The following RAPGEF4 variants were observed in gnomAD, a reference collection of about 807,000 sequenced individuals.
RAPGEF4 encodes RAP guanine-nucleotide-exchange factor (GEF) 4.
In RAPGEF4, 66 loss-of-function variants were observed where a neutral mutation model predicts 147.9. That is an observed-to-expected ratio of 0.45 (90% confidence interval 0.37 to 0.55). RAPGEF4 has a LOEUF of 0.55. Ranked by LOEUF, RAPGEF4 falls within the 20% of genes least tolerant of loss-of-function variation. The pLI, the probability that RAPGEF4 is intolerant of heterozygous loss-of-function variation, is 0.00. For synonymous variants in RAPGEF4, 419 were observed against 442.7 expected (o/e 0.95, Z 0.67); for missense variants, 1,071 against 1,257.3 (o/e 0.85, Z 2.24).
At chr2:172,819,277 A>G (rs1420930261) in intron 4 of RAPGEF4, among the ~76,000 whole-genome samples, 3 of 152,192 alleles carry the variant, frequency 2.0e-5, no homozygotes, top group African/African-American at 7.2e-5. Flanking sequence ...GCCTCTCTCC[A>G]TTTACACCCC....
At chr2:173,022,155 G>C (rs1189313070) in intron 23 of RAPGEF4, among the ~76,000 whole-genome samples, 2 of 152,208 alleles carry the variant, frequency 1.3e-5, no homozygotes, top group Admixed American at 6.5e-5. Context: ...TTACTGCACG[G>C]GTGCTGGGGA....
chr2:172,977,469 T>G (rs1263575542), intron 10 of RAPGEF4, among the ~76,000 whole-genome samples: 3 of 152,032 alleles, frequency 2.0e-5, no homozygotes, highest in Non-Finnish European at 4.4e-5. Context: ...CTTTGTCTGA[T>G]GTGAGAGTAG....
chr2:173,011,168 G>GCGCGCGCA (rs1553548157), intron 17 of RAPGEF4, among the ~76,000 whole-genome samples: 1 of 59,816 alleles, frequency 1.7e-5, no homozygotes, highest in African/African-American at 7.0e-5. Context: ...CAGCGCGCGC[G>GCGCGCGCA]CGCACACACA....
At chr2:172,900,836 G>A (rs559152377) in intron 4 of RAPGEF4, among the ~76,000 whole-genome samples, 10 of 152,156 alleles carry the variant, frequency 6.6e-5, no homozygotes, top group Admixed American at 2.0e-4. Context: ...CTCAAACACC[G>A]TCCATAATGT....
In RAPGEF4 at chr2:173,014,575, C is replaced by A; in HGVS notation, c.1770C>A (p.Asp590Glu). ...LVLQWAAMYG[D>E]LLQEDDVSMA... is the part of the protein sequence containing the mutation. ...TACAGTGGGCTGCCATGTATGGAGA[C>A]CTCCTGCAAGAGGATGACGTGTCTA... Residue 590 changes from aspartate to glutamate, a missense_variant, in exon 18 of 31, where the codon GAC becomes GAA. Transcript: ENST00000397081. The A allele has an allele frequency of 6.2e-7, 1 of 1,614,034 alleles. No individual in the cohort carries two copies. Among genetic ancestry groups the A allele is most frequent in the Non-Finnish European group, 8.5e-7 (1 of 1,179,942 alleles).
chr2:172,757,514 G>A (rs565096249), intron 1 of RAPGEF4, among the ~76,000 whole-genome samples: 1 of 152,196 alleles, frequency 6.6e-6, no homozygotes, highest in African/African-American at 2.4e-5. Context: ...TTGCCCTTTA[G>A]GTTTCCATCC....
intron 6 of RAPGEF4, among the ~76,000 whole-genome samples, chr2:172,926,162 T>G (rs945382735): frequency 3.3e-5 from 5 of 152,172 alleles, no homozygotes; most frequent in African/African-American, 4.8e-5. Flanking sequence ...GGGTTGTGAT[T>G]GTTAAAGGAA....
intron 3 of RAPGEF4, among the ~76,000 whole-genome samples, chr2:172,804,563 G>C (rs574729727): frequency 1.3e-5 from 2 of 152,234 alleles, no homozygotes; most frequent in South Asian, 4.1e-4. Flanking sequence ...GCCTGGGAAC[G>C]GGGAGTACCT....
chr2:172,983,526 G>C lies in RAPGEF4; in HGVS notation c.1035G>C (p.Glu345Asp). Residue 345 changes from glutamate to aspartate, a missense_variant, in exon 11 of 31, where the codon GAG becomes GAC. Glu to Asp is a conservative substitution (Grantham distance 45). Coordinates refer to ENST00000397081, the MANE Select transcript of RAPGEF4 (RefSeq NM_007023.4). ...PPGQRTVDDL[E>D]IIYEELLHIK... Reference sequence around the variant, plus strand: ...GCCAGAGGACTGTGGATGACCTAGAGATTATCTATGAGGAGCTTCTTCATA... The same window carrying C: ...GCCAGAGGACTGTGGATGACCTAGACATTATCTATGAGGAGCTTCTTCATA... The C allele has an allele frequency of 6.2e-7, 1 of 1,612,566 alleles. No individual in the cohort carries two copies. Among genetic ancestry groups the C allele is most frequent in the Non-Finnish European group, 8.5e-7 (1 of 1,179,814 alleles).
chr2:172,911,034 G>A (rs903867537), intron 4 of RAPGEF4, among the ~76,000 whole-genome samples: 9 of 152,186 alleles, frequency 5.9e-5, no homozygotes, highest in Admixed American at 5.9e-4. Flanking sequence ...TCAGTCCACT[G>A]TCTGGCCACG....
intron 1 of RAPGEF4, among the ~76,000 whole-genome samples, chr2:172,777,839 T>G (rs955141930): frequency 6.6e-6 from 1 of 152,198 alleles, no homozygotes; most frequent in Non-Finnish European, 1.5e-5. Flanking sequence ...TACTGTGTAT[T>G]TATTGTCCAG....
chr2:172,886,728 A>C (rs1325204312), intron 4 of RAPGEF4, among the ~76,000 whole-genome samples: 3 of 148,982 alleles, frequency 2.0e-5, no homozygotes, highest in African/African-American at 7.4e-5. Flanking sequence ...TTTTTTTGGC[A>C]ATGCTCTTTC....
At chr2:172,898,051 G>A (rs1698702516) in intron 4 of RAPGEF4, among the ~76,000 whole-genome samples, 1 of 152,104 alleles carries the variant, frequency 6.6e-6, no homozygotes, top group Non-Finnish European at 1.5e-5. Flanking sequence ...AGCTGTGTGG[G>A]GACTCCGGGG....
At chr2:172,736,142 C>A in intron 1 of RAPGEF4, 94 bp downstream of exon 1, 1 of 1,039,524 alleles carries the variant, frequency 9.6e-7, no homozygotes, top group Non-Finnish European at 1.2e-6. Context: ...GCAGCGCGGC[C>A]GGGCTGCGGG....
chr2:172,925,303 A>T lies in RAPGEF4; in HGVS notation c.537+3003A>T, dbSNP rs532766229. ...CACCATGTTTAACTTTTAATAAAATATGCACACATCAACAAGTGCTGTTTG... is the reference window on the plus strand; with the variant it reads ...CACCATGTTTAACTTTTAATAAAATTTGCACACATCAACAAGTGCTGTTTG... On this transcript the variant is annotated intron_variant, in intron 6 of 30. Coordinates refer to ENST00000397081, the MANE Select transcript of RAPGEF4 (RefSeq NM_007023.4). 2.0e-5 allele frequency among the ~76,000 whole-genome samples: 3 copies of T among 152,338 alleles called. No individual in the cohort carries two copies. The East Asian group carries it at 5.8e-4, about 29-fold the overall frequency.
At chr2:172,985,201 G>C (rs1692115019) in intron 11 of RAPGEF4, among the ~76,000 whole-genome samples, 1 of 152,196 alleles carries the variant, frequency 6.6e-6, no homozygotes, top group Non-Finnish European at 1.5e-5. Context: ...TAAGGAGGTT[G>C]CCTGGTATGA....
intron 29 of RAPGEF4, 53 bp downstream of exon 29, chr2:173,036,745 C>T (rs1213292348): frequency 2.2e-6 from 3 of 1,341,754 alleles, no homozygotes; most frequent in Non-Finnish European, 3.1e-6. Flanking sequence ...ATAAAATTTG[C>T]ATTTTTTCTA....
intron 29 of RAPGEF4, among the ~76,000 whole-genome samples, chr2:173,039,357 C>T (rs1216834297): frequency 2.6e-5 from 4 of 151,136 alleles, no homozygotes; most frequent in Admixed American, 6.6e-5. Flanking sequence ...CCCAGCTACT[C>T]GGGAAGCTGA....
At chr2:172,873,768 G>A (rs952609527) in intron 4 of RAPGEF4, among the ~76,000 whole-genome samples, 11 of 152,244 alleles carry the variant, frequency 7.2e-5, no homozygotes, top group Admixed American at 7.2e-4. Context: ...ACAACCTAAG[G>A]AATAGGAGAA....
Sources: allele counts gnomAD v4.1 joint callset (sites outside exome capture counted in the v4.1 genomes callset), GRCh38; gene constraint gnomAD v4.1.1; transcripts MANE v1.5; gene names NCBI Gene and HGNC (gene_info 2026-07-23, HGNC 2026-07-21).